DPP6: variants seen among roughly 807,000 people sequenced by gnomAD.
The protein encoded by DPP6 is dipeptidyl peptidase like 6.
DPP6 carries 69 observed loss-of-function variants against 122.6 expected under a neutral mutation model. The ratio of observed to expected loss-of-function variants is 0.56; its 90% CI spans 0.46 to 0.69. The LOEUF (loss-of-function observed/expected upper bound fraction) is 0.69, where lower values mean the gene tolerates loss of function less well. Among genes scored for constraint, DPP6 ranks in the 30% least tolerant of loss-of-function variants. The probability of loss-of-function intolerance (pLI) is 0.00; values close to 1 mark genes in which losing one functional copy is unlikely to be tolerated. For missense variants in DPP6, 928 were observed against 1,116.9 expected, an observed-to-expected ratio of 0.83 and a Z score of 2.41; for synonymous variants, 418 against 433.1, an observed-to-expected ratio of 0.97 and a Z score of 0.43.
At position 154,624,854 on chromosome 7, in the gene DPP6, G is replaced by A. The variant is rs575326134; in HGVS notation, c.628-12967G>A. Among the ~76,000 whole-genome samples the A allele has an allele frequency of 9.9e-5, 15 of 152,280 alleles. No homozygotes were observed. The highest frequency in any genetic ancestry group is 3.1e-4 in the African/African-American group (13 of 41,570). On this transcript the variant is annotated intron_variant, in intron 5 of 25. Coordinates refer to ENST00000377770, the MANE Select transcript of DPP6 (RefSeq NM_130797.4). This position sits in a 1 kb window ranked among gnomAD's most constrained non-coding sequence, Gnocchi z 4.7. ...ACAGAAGCAGGCACACAGCGGCCCC[G>A]TCTTCCTCCCATCTGTGAGCATGCT...
At chr7:154,466,894 T>C (rs1469500329) in intron 2 of DPP6, among the ~76,000 whole-genome samples, 4 of 152,178 alleles carry the variant, frequency 2.6e-5, no homozygotes, top group African/African-American at 9.7e-5. Context: ...TGTGATCTCA[T>C]CAGTTCAGAA....
chr7:154,656,540 G>A (rs1397183588), intron 6 of DPP6, among the ~76,000 whole-genome samples: 1 of 152,204 alleles, frequency 6.6e-6, no homozygotes. Flanking sequence ...GGACACAGAA[G>A]ATCTTCAGAG....
chr7:154,377,053 G>A (rs959285038), intron 1 of DPP6, among the ~76,000 whole-genome samples: 1 of 152,162 alleles, frequency 6.6e-6, no homozygotes, highest in African/African-American at 2.4e-5. Flanking sequence ...CCTAACAGTT[G>A]TTGACTACTG....
intron 1 of DPP6, among the ~76,000 whole-genome samples, chr7:154,396,028 G>T (rs550579116): frequency 2.0e-5 from 3 of 150,978 alleles, no homozygotes; most frequent in Non-Finnish European, 4.4e-5. Flanking sequence ...TACATTGATT[G>T]CTTTTTTTAA....
At chr7:154,209,684 C>T (rs1369067026) in intron 1 of DPP6, among the ~76,000 whole-genome samples, 1 of 152,138 alleles carries the variant, frequency 6.6e-6, no homozygotes, top group Non-Finnish European at 1.5e-5. Flanking sequence ...TTATCATCAT[C>T]GTTTCCTACA....
At chr7:154,051,920 C>T (rs190539955), upstream of DPP6, among the ~76,000 whole-genome samples, 1,895 of 151,196 alleles carry the variant, frequency 0.013, 18 homozygotes, top group East Asian at 0.038. Context: ...ACGCCCCATT[C>T]GCACCCCAGG....
intron 2 of DPP6, among the ~76,000 whole-genome samples, chr7:154,452,188 G>A (rs982648863): frequency 1.3e-5 from 2 of 152,238 alleles, no homozygotes; most frequent in East Asian, 3.8e-4. Flanking sequence ...GAAGATGCCA[G>A]TACTTCCCAT....
intron 7 of DPP6, among the ~76,000 whole-genome samples, chr7:154,725,109 G>A (rs1009075036): frequency 7.2e-5 from 11 of 152,152 alleles, no homozygotes; most frequent in Admixed American, 4.6e-4. Flanking sequence ...GAATAAAGGC[G>A]CATTGGAGTT....
At chr7:154,820,814 G>C (rs773719275) in intron 16 of DPP6, among the ~76,000 whole-genome samples, 8 of 152,172 alleles carry the variant, frequency 5.3e-5, no homozygotes, top group African/African-American at 1.7e-4. Context: ...CTTTTGAGTC[G>C]TTAGGGAAAA....
intron 1 of DPP6, among the ~76,000 whole-genome samples, chr7:154,061,623 G>T (rs1364264766): frequency 8.4e-5 from 12 of 143,274 alleles, no homozygotes; most frequent in Admixed American, 2.1e-4. Flanking sequence ...TCACAGGGGG[G>T]GGAGGCACCC....
At chr7:154,281,787 T>C (rs1804531136) in intron 1 of DPP6, among the ~76,000 whole-genome samples, 1 of 152,224 alleles carries the variant, frequency 6.6e-6, no homozygotes, top group African/African-American at 2.4e-5. Context: ...TTTATACCAG[T>C]AGCCTCTTCT....
intron 1 of DPP6, among the ~76,000 whole-genome samples, chr7:154,146,394 C>T (rs1796084542): frequency 6.9e-6 from 1 of 144,360 alleles, no homozygotes; most frequent in Non-Finnish European, 1.5e-5. Context: ...TCCCACAGCA[C>T]TTCCTGTGTA....
chr7:154,352,714 T>TACCTCATGCATGTGGGGCTTAAAACC (rs1810974093), intron 1 of DPP6, among the ~76,000 whole-genome samples: 1 of 152,064 alleles, frequency 6.6e-6, no homozygotes, highest in Non-Finnish European at 1.5e-5. Flanking sequence ...TTAGGACAAG[T>TACCTCATGCATGTGGGGCTTAAAACC]ACCTCATGCA....
chr7:154,837,323 ACACACATGCATAACATGCACACATG>A (rs1482828464), intron 16 of DPP6, among the ~76,000 whole-genome samples: 1 of 151,418 alleles, frequency 6.6e-6, no homozygotes, highest in African/African-American at 2.4e-5. Context: ...AAACACATGC[ACACACATGCATAACATGCACACATG>A]CACACATGCA....
intron 6 of DPP6, among the ~76,000 whole-genome samples, chr7:154,658,163 C>T (rs1474059266): frequency 1.3e-5 from 2 of 152,164 alleles, no homozygotes; most frequent in Non-Finnish European, 2.9e-5. Flanking sequence ...AGGGTGAACC[C>T]TAATGTCAGC....
intron 1 of DPP6, among the ~76,000 whole-genome samples, chr7:154,150,783 G>A (rs1294604057): frequency 2.0e-5 from 3 of 152,166 alleles, no homozygotes; most frequent in Admixed American, 6.5e-5. Context: ...TCATGCAGAC[G>A]CGGACTCTGA....
chr7:153,792,997 A>T, the DPP6 span, among the ~76,000 whole-genome samples: 1 of 152,206 alleles, frequency 6.6e-6, no homozygotes, highest in African/African-American at 2.4e-5. Flanking sequence ...GCCTCCCGCC[A>T]GCCATGTGAA....
At chr7:154,756,621 C>T (rs1843686688) in intron 8 of DPP6, among the ~76,000 whole-genome samples, 1 of 152,082 alleles carries the variant, frequency 6.6e-6, no homozygotes, top group Admixed American at 6.5e-5. Context: ...ATGCTGCTGC[C>T]TGCCACCCAT....
chr7:153,837,937 G>A, the DPP6 span, among the ~76,000 whole-genome samples: 10 of 146,690 alleles, frequency 6.8e-5, no homozygotes, highest in Non-Finnish European at 1.3e-4. Flanking sequence ...GCCTCCCAAA[G>A]TGCCGGGATT....
Sources: allele counts gnomAD v4.1 joint callset (sites outside exome capture counted in the v4.1 genomes callset), GRCh38; gene constraint gnomAD v4.1.1; non-coding constraint Gnocchi (gnomAD v3.1); transcripts MANE v1.5; gene names NCBI Gene and HGNC (gene_info 2026-07-23, HGNC 2026-07-21).